The following GPR174 variants were observed in gnomAD, a reference collection of about 807,000 sequenced individuals.
The protein encoded by GPR174 is probable G protein-coupled receptor 174.
GPR174 carries 8 observed loss-of-function variants against 16.5 expected under a neutral mutation model. The observed-to-expected ratio is 0.48, with a 90% CI of 0.28 to 0.87. GPR174 has a LOEUF of 0.87. Ranked by LOEUF, GPR174 falls within the 40% of genes least tolerant of loss-of-function variation. The pLI, the probability that GPR174 is intolerant of heterozygous loss-of-function variation, is 0.09. For missense variants in GPR174, 214 were observed against 247.5 expected (o/e 0.86, Z 0.91); for synonymous variants, 111 against 94.8 (o/e 1.17, Z -0.99).
rs1223967023 is a variant in GPR174 at position 79,144,810 on chromosome X, TC to T, written c.-1060del. The T allele has an allele frequency of 1.8e-5, 2 of 111,290 alleles. No individual in the cohort carries two copies. Among genetic ancestry groups the T allele is most frequent in the Non-Finnish European group, 3.8e-5 (2 of 52,938 alleles). 9.2% of individuals were successfully genotyped at this position (111,290 alleles called of 1,213,427 possible). A position where few individuals can be genotyped will look rare whatever the true frequency, so the allele number is the denominator to read the frequency against. ...TTTTTCCTTTTGCTTTCATAATTTT[TC>T]TTTTGGCTTTCTTTTATTTTGTATT... On this transcript the variant is annotated 5_prime_UTR_variant, in exon 1 of 3. Transcript: ENST00000645147.
At chrX:79,164,639 A>T (rs1652207133) in intron 2 of GPR174, among the ~76,000 whole-genome samples, 1 of 111,860 alleles carries the variant, frequency 8.9e-6, no homozygotes, top group African/African-American at 3.2e-5. Context: ...TTGAGGGATA[A>T]AATAAATTCT....
rs1474030455 is a variant in GPR174 at position 79,171,226 on chromosome X, A to C, written c.219A>C (p.Pro73=). 1 of 1,210,183 alleles carries C rather than the reference A, an allele frequency of 8.3e-7. No homozygotes were observed. The highest frequency in any genetic ancestry group is 1.8e-5 in the South Asian group (1 of 56,834). ...ACTTACTACAAGTTCTTTCCTTGCCACTGAGGATCTTCTACTACTTGAATC... is the reference window on the plus strand; with the variant it reads ...ACTTACTACAAGTTCTTTCCTTGCCCCTGAGGATCTTCTACTACTTGAATC... ...IADLLQVLSL[P]LRIFYYLNHD... is the part of the protein sequence containing the mutation. The change falls in exon 3 of 3, where the codon CCA becomes CCC. Residue 73 remains proline, a synonymous_variant. Coordinates refer to ENST00000645147, the MANE Select transcript of GPR174 (RefSeq NM_032553.3).
At chrX:79,167,717 C>T (rs752289173) in intron 2 of GPR174, among the ~76,000 whole-genome samples, 1 of 112,000 alleles carries the variant, frequency 8.9e-6, no homozygotes, top group Non-Finnish European at 1.9e-5. Flanking sequence ...ACACAGAATG[C>T]AGTCTGATTA....
chrX:79,166,926 A>ACAT (rs1182645550), intron 2 of GPR174, among the ~76,000 whole-genome samples: 1 of 111,649 alleles, frequency 9.0e-6, no homozygotes, highest in Non-Finnish European at 1.9e-5. Context: ...TAAGAAAGGG[A>ACAT]CATATTTCTG....
Position 79,171,391 on chromosome X carries a change from C to T in GPR174, c.384C>T (p.Asp128=), listed in dbSNP as rs1480774565. ...WFLMYPFRFH[D]CKQKYDLYIS... is the part of the protein sequence containing the mutation. ...TCATGTACCCCTTTCGCTTCCATGACTGCAAACAGAAATATGACCTGTACA... is the reference window on the plus strand; with the variant it reads ...TCATGTACCCCTTTCGCTTCCATGATTGCAAACAGAAATATGACCTGTACA... The change falls in exon 3 of 3, where the codon GAC becomes GAT. Residue 128 remains aspartate (D), a synonymous_variant. Transcript: ENST00000645147. 1.7e-6 allele frequency: 2 copies of T among 1,211,917 alleles called. No homozygotes were observed. The highest frequency in any genetic ancestry group is 1.7e-5 in the African/African-American group (1 of 57,817).
intron 1 of GPR174, among the ~76,000 whole-genome samples, chrX:79,150,228 A>G (rs1926575299): frequency 9.0e-6 from 1 of 111,602 alleles, no homozygotes; most frequent in Admixed American, 9.5e-5. Context: ...CTAAATCAAT[A>G]TCTGAAGAAT....
chrX:79,151,417 A>G (rs1926598979), intron 1 of GPR174, among the ~76,000 whole-genome samples: 1 of 111,289 alleles, frequency 9.0e-6, no homozygotes, highest in Non-Finnish European at 1.9e-5. Context: ...TAACTTGGTG[A>G]GTTTGGAGAT....
chrX:79,166,437 T>TC (rs1268751174), intron 2 of GPR174, among the ~76,000 whole-genome samples: 1 of 68,678 alleles, frequency 1.5e-5, no homozygotes, highest in African/African-American at 5.6e-5. Context: ...TTTTTCTTTT[T>TC]TTTTTTTTTT....
At chrX:79,164,703 T>C (rs1921314319) in intron 2 of GPR174, among the ~76,000 whole-genome samples, 1 of 111,725 alleles carries the variant, frequency 9.0e-6, no homozygotes, top group Non-Finnish European at 1.9e-5. Context: ...GGAAAAATGG[T>C]AGAAAATTGA....
intron 2 of GPR174, among the ~76,000 whole-genome samples, chrX:79,160,517 A>G (rs773828473): frequency 8.9e-6 from 1 of 111,946 alleles, no homozygotes; most frequent in African/African-American, 3.2e-5. Context: ...TATAGAAAGT[A>G]CTAAGTGTGT....
At chrX:79,155,239 A>G (rs1921068317) in intron 1 of GPR174, among the ~76,000 whole-genome samples, 1 of 111,339 alleles carries the variant, frequency 9.0e-6, no homozygotes, top group Non-Finnish European at 1.9e-5. Flanking sequence ...ACTACCAGCA[A>G]GGAATATAAC....
At chrX:79,162,828 T>C (rs192945092) in intron 2 of GPR174, among the ~76,000 whole-genome samples, 162 of 111,966 alleles carry the variant, frequency 1.4e-3, no homozygotes, top group African/African-American at 5.0e-3. Flanking sequence ...CAACATGCTA[T>C]GGGAATTTAA....
chrX:79,171,500 A>C lies in GPR174; in HGVS notation c.493A>C (p.Arg165=). 8.3e-7 allele frequency: 1 copy of C among 1,211,622 alleles called. No individual in the cohort carries two copies. Among genetic ancestry groups the C allele is most frequent in the Non-Finnish European group, 1.1e-6 (1 of 895,469 alleles). ...AACCAGTGATGATACCTCTGGCAAT[A>C]GGACCAAATGCTTTGTGGATCTTCC... The part of the protein sequence containing the change: ...LRTSDDTSGN[R]TKCFVDLPTR... Residue 165 remains arginine, a synonymous_variant, in exon 3 of 3, where the codon AGG becomes CGG. Transcript: ENST00000645147.
chrX:79,157,909 GA>G (rs776777651), intron 2 of GPR174, among the ~76,000 whole-genome samples: 11 of 108,913 alleles, frequency 1.0e-4, no homozygotes, highest in Non-Finnish European at 1.9e-4. Flanking sequence ...AAACATGGGG[GA>G]AAAAAACACC....
chrX:79,149,219 G>A (rs1213763394), intron 1 of GPR174, among the ~76,000 whole-genome samples: 3 of 111,364 alleles, frequency 2.7e-5, no homozygotes, highest in African/African-American at 9.8e-5. Flanking sequence ...ATATTTCTTT[G>A]ACTTTTTTCT....
chrX:79,157,018 C>T (rs1423156715), intron 2 of GPR174, 100 bp downstream of exon 2: 1 of 111,736 alleles, frequency 8.9e-6, no homozygotes, highest in African/African-American at 3.3e-5. Context: ...CGTTTGCTAC[C>T]CACCTGTTGC....
chrX:79,169,202 G>GA lies in GPR174; in HGVS notation c.-556-1240dup, dbSNP rs963477233. On this transcript the variant is annotated intron_variant, in intron 2 of 2. Transcript: ENST00000645147. ...AATTGAGGAAATACAGTATGCTGAG[G>GA]AAAAAAAAAATCTGCCCAAGGAGCT... is the stretch of plus-strand genomic sequence containing the variant. 1.0e-4 allele frequency among the ~76,000 whole-genome samples: 11 copies of GA among 108,403 alleles called. No homozygotes were observed. The East Asian group carries it at 1.4e-3, about 14-fold the overall frequency. The allele number at this position is 108,403 out of a possible 115,157, so 94.1% of individuals were successfully genotyped here. A position where few individuals can be genotyped will look rare whatever the true frequency, so the allele number is the denominator to read the frequency against.
At chrX:79,149,104 C>T in intron 1 of GPR174, among the ~76,000 whole-genome samples, 1 of 111,157 alleles carries the variant, frequency 9.0e-6, no homozygotes, top group South Asian at 3.8e-4. Flanking sequence ...ATGAAAGAGC[C>T]CACAGAGTCT....
At chrX:79,162,902 T>C (rs937538816) in intron 2 of GPR174, among the ~76,000 whole-genome samples, 26 of 111,725 alleles carry the variant, frequency 2.3e-4, no homozygotes, top group African/African-American at 8.5e-4. Flanking sequence ...AATTAGATAA[T>C]CAAAATTCTC....
Sources: allele counts gnomAD v4.1 joint callset (sites outside exome capture counted in the v4.1 genomes callset), GRCh38; gene constraint gnomAD v4.1.1; transcripts MANE v1.5; gene names NCBI Gene and HGNC (gene_info 2026-07-23, HGNC 2026-07-21).